The following IPO11 variants were observed in gnomAD, a reference collection of about 807,000 sequenced individuals.
IPO11 encodes the protein importin-11.
IPO11 carries 66 observed loss-of-function variants against 143.2 expected under a neutral mutation model. That is an observed-to-expected ratio of 0.46 (90% CI 0.38 to 0.57). The LOEUF (loss-of-function observed/expected upper bound fraction) is 0.57. IPO11 is among the 20% of genes least tolerant of loss of function. The pLI, the probability that IPO11 is intolerant of heterozygous loss-of-function variation, is 0.00. For missense variants in IPO11, 1,026 were observed against 1,141.0 expected (o/e 0.90, Z 1.45); for synonymous variants, 385 against 377.8 (o/e 1.02, Z -0.22).
At chr5:62,523,064 T>C (rs2112300039) in intron 20 of IPO11, among the ~76,000 whole-genome samples, 1 of 152,366 alleles carries the variant, frequency 6.6e-6, no homozygotes, top group East Asian at 1.9e-4. Flanking sequence ...TCAGGTAGTT[T>C]GTCTTTTCCT....
At chr5:62,542,085 A>G (rs966850786) in intron 24 of IPO11, among the ~76,000 whole-genome samples, 1 of 150,460 alleles carries the variant, frequency 6.6e-6, no homozygotes, top group Non-Finnish European at 1.5e-5. Context: ...TTATTTTTTT[A>G]TTTTTTTAAG....
At chr5:62,561,026 A>T in intron 26 of IPO11, 110 bp from the exon 27 acceptor site, 1 of 950,724 alleles carries the variant, frequency 1.1e-6, no homozygotes, top group Non-Finnish European at 1.5e-6. Flanking sequence ...TCTGTGGTTT[A>T]CTATAATTGA....
At chr5:62,581,850 GTATAACA>G (rs1398794554) in intron 27 of IPO11, among the ~76,000 whole-genome samples, 3 of 152,180 alleles carry the variant, frequency 2.0e-5, no homozygotes, top group Non-Finnish European at 4.4e-5. Context: ...ATGCTGTTGA[GTATAACA>G]TTTGTGGAGG....
chr5:62,557,156 A>G (rs1743602371), intron 26 of IPO11, among the ~76,000 whole-genome samples: 1 of 151,744 alleles, frequency 6.6e-6, no homozygotes, highest in East Asian at 1.9e-4. Flanking sequence ...GTGTCTCTAT[A>G]TCCTTGATAA....
chr5:62,532,729 A>T (rs183623180), intron 22 of IPO11, among the ~76,000 whole-genome samples: 130 of 152,266 alleles, frequency 8.5e-4, no homozygotes, highest in African/African-American at 2.9e-3. Context: ...AAGGACTTTT[A>T]TGTGTTTGGA....
intron 27 of IPO11, among the ~76,000 whole-genome samples, chr5:62,582,493 C>T (rs1680926634): frequency 6.6e-6 from 1 of 152,160 alleles, no homozygotes; most frequent in African/African-American, 2.4e-5. Context: ...CTTATTAGAT[C>T]TCCACATGGA....
At chr5:62,543,072 T>A (rs547784399) in intron 24 of IPO11, among the ~76,000 whole-genome samples, 9 of 149,112 alleles carry the variant, frequency 6.0e-5, no homozygotes, top group African/African-American at 2.3e-4. Context: ...AGAAATTAAA[T>A]CACAAAGTGG....
intron 5 of IPO11, among the ~76,000 whole-genome samples, chr5:62,458,452 C>T (rs1220298600): frequency 3.3e-5 from 5 of 152,122 alleles, no homozygotes; most frequent in Non-Finnish European, 5.9e-5. Flanking sequence ...AGGTGCATGC[C>T]GCTATGCCCG....
At chr5:62,433,517 C>A (rs1333106806) in intron 1 of IPO11, among the ~76,000 whole-genome samples, 1 of 152,190 alleles carries the variant, frequency 6.6e-6, no homozygotes, top group African/African-American at 2.4e-5. Flanking sequence ...CTGCCTCTCA[C>A]CCCAGTAGCC....
intron 27 of IPO11, chr5:62,580,598 A>G (rs988873763): frequency 6.4e-7 from 1 of 1,551,474 alleles, no homozygotes; most frequent in Non-Finnish European, 8.7e-7. Context: ...TATTGTCAGA[A>G]TCCCCCATCC....
intron 29 of IPO11, among the ~76,000 whole-genome samples, chr5:62,621,491 G>A (rs1185947650): frequency 3.9e-5 from 6 of 152,102 alleles, no homozygotes; most frequent in Admixed American, 2.0e-4. Flanking sequence ...GTCCTCCCAC[G>A]GAGCAGGCGG....
chr5:62,559,632 C>A (rs961135533), intron 26 of IPO11, among the ~76,000 whole-genome samples: 14 of 151,874 alleles, frequency 9.2e-5, no homozygotes, highest in African/African-American at 2.7e-4. Context: ...AGTAATTCCT[C>A]ATGGCTGGGT....
At chr5:62,484,198 C>A in intron 11 of IPO11, 36 bp downstream of exon 11, 1 of 1,527,810 alleles carries the variant, frequency 6.5e-7, no homozygotes. Context: ...AATGACTTTT[C>A]TCCCCTTTCT....
At chr5:62,458,092 A>G (rs1745226851) in intron 5 of IPO11, among the ~76,000 whole-genome samples, 1 of 145,052 alleles carries the variant, frequency 6.9e-6, no homozygotes, top group Non-Finnish European at 1.5e-5. Flanking sequence ...GCTTGCAGTG[A>G]GCTGAGATCG....
chr5:62,502,073 C>T lies in IPO11; in HGVS notation c.1591-2594C>T, dbSNP rs1741364927. ...GTGACATCTGCACAGAAGTTTCTGG[C>T]TCTGCTTACCTTTGTAGCAGTATTT... On this transcript the variant is annotated intron_variant, in intron 16 of 29. Coordinates refer to ENST00000325324, the MANE Select transcript of IPO11 (RefSeq NM_016338.5). Among the ~76,000 whole-genome samples the T allele has an allele frequency of 2.0e-5, 3 of 152,206 alleles. No homozygotes were observed. In the South Asian group the frequency reaches 6.2e-4, roughly 32 times the overall value.
chr5:62,562,336 G>A (rs32162), intron 27 of IPO11: 13,761 of 152,428 alleles, frequency 0.09, 679 homozygotes, highest in East Asian at 0.14. Context: ...TTAGGACAGC[G>A]GTCCCCAGCC....
intron 27 of IPO11, chr5:62,581,162 C>G (rs1299337392): frequency 6.4e-7 from 1 of 1,551,170 alleles, no homozygotes; most frequent in Non-Finnish European, 8.7e-7. Flanking sequence ...TTTTATCAGT[C>G]AGCAAGGTAT....
chr5:62,627,092 T>G, intron 29 of IPO11, 62 bp from the exon 30 acceptor site: 1 of 1,447,466 alleles, frequency 6.9e-7, no homozygotes, highest in South Asian at 1.4e-5. Flanking sequence ...CTTTTGTAAA[T>G]TGCAGGTAGG....
intron 9 of IPO11, among the ~76,000 whole-genome samples, chr5:62,477,074 A>G (rs1466800680): frequency 6.6e-6 from 1 of 152,214 alleles, no homozygotes; most frequent in African/African-American, 2.4e-5. Flanking sequence ...ATAGCAGTGC[A>G]GTTCAGCTAG....
Sources: allele counts gnomAD v4.1 joint callset (sites outside exome capture counted in the v4.1 genomes callset), GRCh38; gene constraint gnomAD v4.1.1; transcripts MANE v1.5; gene names NCBI Gene and HGNC (gene_info 2026-07-23, HGNC 2026-07-21).